KIF26B: variants seen among roughly 807,000 people sequenced by gnomAD.
KIF26B encodes kinesin-like protein KIF26B.
In KIF26B, 63 loss-of-function variants were observed where a neutral mutation model predicts 151.2. That is an observed-to-expected ratio of 0.42 (90% CI 0.34 to 0.51). KIF26B has a LOEUF of 0.51. Ranked by LOEUF, KIF26B falls within the 20% of genes least tolerant of loss-of-function variation. The pLI, the probability that KIF26B is intolerant of heterozygous loss-of-function variation, is 0.07. For synonymous variants in KIF26B, 1,357 were observed against 1,262.1 expected (o/e 1.08, Z -1.59); for missense variants, 2,813 against 2,913.6 (o/e 0.97, Z 0.79).
chr1:245,368,402 A>G (rs1182141860), intron 3 of KIF26B, among the ~76,000 whole-genome samples: 1 of 152,186 alleles, frequency 6.6e-6, no homozygotes, highest in Non-Finnish European at 1.5e-5. Flanking sequence ...GGGAAGCAGC[A>G]GAGAGCATTG....
Position 245,698,284 on chromosome 1 carries a change from G to T in KIF26B, c.6003G>T (p.Gln2001His). 1 of 1,613,584 alleles carries T rather than the reference G, an allele frequency of 6.2e-7. No individual in the cohort carries two copies. The highest frequency in any genetic ancestry group is 8.5e-7 in the Non-Finnish European group (1 of 1,179,762). ...AAATCGATGACGTGGAGCGCCTGCA[G>T]CGGCGACGAGGGGGTGCCAGCAAGG... ...VYEIDDVERLQRRRGGASKEA... is the reference protein window; with the variant it reads ...VYEIDDVERLHRRRGGASKEA... Residue 2001 changes from glutamine (Q) to histidine (H), a missense_variant, in exon 13 of 15, where the codon CAG becomes CAT. By Grantham distance (24) the Gln-to-His change is conservative. Around this residue, in one of 3 missense-constraint regions of KIF26B, gnomAD observed 2,060 missense variants for 2,088.6 expected, o/e 0.99. Coordinates refer to ENST00000407071, the MANE Select transcript of KIF26B (RefSeq NM_018012.4). This position sits in a 1 kb window ranked among gnomAD's most constrained non-coding sequence, Gnocchi z 4.0.
At chr1:245,493,223 G>A (rs1660445623) in intron 4 of KIF26B, among the ~76,000 whole-genome samples, 1 of 152,110 alleles carries the variant, frequency 6.6e-6, no homozygotes, top group Admixed American at 6.6e-5. Context: ...TACATAAAGG[G>A]TACCCTAGAG....
At chr1:245,237,101 A>G (rs1459125002) in intron 2 of KIF26B, among the ~76,000 whole-genome samples, 2 of 152,118 alleles carry the variant, frequency 1.3e-5, no homozygotes, top group Non-Finnish European at 2.9e-5. Flanking sequence ...CTGGCTGGTT[A>G]TCTCTCTTTC....
chr1:245,224,262 G>A (rs1669831522), intron 2 of KIF26B, among the ~76,000 whole-genome samples: 1 of 147,844 alleles, frequency 6.8e-6, no homozygotes, highest in African/African-American at 2.5e-5. Context: ...TCCAGCCTGG[G>A]CAACAAGAGC....
rs187652761 is a variant in KIF26B at position 245,382,631 on chromosome 1, C to T, written c.999+15264C>T. ...TTGCCCAGGCTGCAGTGCAATGGCA[C>T]AATCTCAGCTCATCACAATCTCCGC... On this transcript the variant is annotated intron_variant, in intron 3 of 14. Transcript: ENST00000407071. Among the ~76,000 whole-genome samples, 93 of 152,138 alleles carry T rather than the reference C, an allele frequency of 6.1e-4. No individual in the cohort carries two copies. The East Asian group carries it at 0.012, about 20-fold the overall frequency.
Position 245,688,825 on chromosome 1 carries a change from G to A in KIF26B, c.5824+18G>A. 6.4e-7 allele frequency: 1 copy of A among 1,550,896 alleles called. No individual in the cohort carries two copies. Among genetic ancestry groups the A allele is most frequent in the Non-Finnish European group, 8.7e-7 (1 of 1,145,764 alleles). On this transcript the variant is annotated intron_variant, in intron 12 of 14. Transcript: ENST00000407071. ...CAATCCAGGTAGGCGGCTGGGCGCA[G>A]GGACGCGGGTGAGGAGGGCGGCAGG...
At chr1:245,290,733 G>A (rs1051792414) in intron 2 of KIF26B, among the ~76,000 whole-genome samples, 3 of 152,238 alleles carry the variant, frequency 2.0e-5, no homozygotes, top group Non-Finnish European at 2.9e-5. Flanking sequence ...AGCCCAGCAG[G>A]TCACAGCCTC....
At chr1:245,458,891 G>C (rs545134759) in intron 4 of KIF26B, among the ~76,000 whole-genome samples, 2 of 152,134 alleles carry the variant, frequency 1.3e-5, no homozygotes, top group Admixed American at 6.5e-5. Context: ...AGATGTTAGC[G>C]TCCTTAGCCT....
At chr1:245,630,076 G>T (rs2043764674) in intron 9 of KIF26B, among the ~76,000 whole-genome samples, 3 of 152,120 alleles carry the variant, frequency 2.0e-5, no homozygotes, top group African/African-American at 7.2e-5. Context: ...AAAAAGTCAA[G>T]AAACAATAGA....
chr1:245,188,600 T>C (rs1669042560), intron 2 of KIF26B, among the ~76,000 whole-genome samples: 1 of 152,200 alleles, frequency 6.6e-6, no homozygotes, highest in African/African-American at 2.4e-5. Context: ...ACTGAACATG[T>C]GTGTGTTGCT....
intron 9 of KIF26B, among the ~76,000 whole-genome samples, chr1:245,635,385 T>G (rs1476265531): frequency 6.6e-6 from 1 of 152,130 alleles, no homozygotes; most frequent in African/African-American, 2.4e-5. Flanking sequence ...TTCAAGACAT[T>G]TTTCCATTCT....
chr1:245,316,748 T>C (rs1291423299), intron 2 of KIF26B, among the ~76,000 whole-genome samples: 1 of 152,188 alleles, frequency 6.6e-6, no homozygotes, highest in Non-Finnish European at 1.5e-5. Flanking sequence ...CTATACTGAT[T>C]TGGTACAATT....
In KIF26B at chr1:245,602,328, A is replaced by G. The variant is rs2043405016; in HGVS notation, c.1351-249A>G. Among the ~76,000 whole-genome samples, 1 of 152,240 alleles carries G rather than the reference A, an allele frequency of 6.6e-6. No homozygotes were observed. The highest frequency in any genetic ancestry group is 2.1e-4 in the South Asian group (1 of 4,836). ...ATTTATATTAATAGGAAGACAAAGA[A>G]CATGATGTGCCAGCTCCATATTGAA... On this transcript the variant is annotated intron_variant, in intron 5 of 14. Transcript: ENST00000407071. The surrounding 1 kb of genome is among the most constrained non-coding windows in gnomAD (Gnocchi z 4.5).
intron 10 of KIF26B, among the ~76,000 whole-genome samples, chr1:245,651,913 G>A (rs751349406): frequency 1.6e-4 from 25 of 152,100 alleles, no homozygotes; most frequent in Non-Finnish European, 3.1e-4. Context: ...AAAGGGTTTG[G>A]GACTGCGGAG....
At chr1:245,275,653 T>C (rs1334138299) in intron 2 of KIF26B, among the ~76,000 whole-genome samples, 1 of 152,214 alleles carries the variant, frequency 6.6e-6, no homozygotes, top group Non-Finnish European at 1.5e-5. Flanking sequence ...CTTTTGTCTT[T>C]TAATCTGTAT....
intron 3 of KIF26B, among the ~76,000 whole-genome samples, chr1:245,418,032 A>G (rs941721257): frequency 2.0e-5 from 3 of 152,254 alleles, no homozygotes; most frequent in Non-Finnish European, 4.4e-5. Flanking sequence ...GTCTTTGGAC[A>G]TGGTCCGGGA....
rs570810933 is a variant in KIF26B at position 245,520,460 on chromosome 1, C to T, written c.1167-20307C>T. Among the ~76,000 whole-genome samples, 11 of 152,294 alleles carry T rather than the reference C, an allele frequency of 7.2e-5. No individual in the cohort carries two copies. The South Asian group carries it at 1.7e-3, about 23-fold the overall frequency. ...GAAACCCATACCAAGAAATATTTTACGTGTTGTCATCATTAAGAAGTCAGC... is the reference window on the plus strand; with the variant it reads ...GAAACCCATACCAAGAAATATTTTATGTGTTGTCATCATTAAGAAGTCAGC... On this transcript the variant is annotated intron_variant, in intron 4 of 14. Transcript: ENST00000407071.
In KIF26B at chr1:245,460,533, T is replaced by A. The variant is rs72762817; in HGVS notation, c.1166+40788T>A. On this transcript the variant is annotated intron_variant, in intron 4 of 14. Transcript: ENST00000407071. ...ATATAGTTTAAAATATTTACCACCCTAGCCTTTGCAGAAAGTTCGCCCACC... is the reference window on the plus strand; with the variant it reads ...ATATAGTTTAAAATATTTACCACCCAAGCCTTTGCAGAAAGTTCGCCCACC... Among the ~76,000 whole-genome samples, 463 of 152,308 alleles carry A rather than the reference T, an allele frequency of 3.0e-3. 2 individuals are homozygous for A. The highest frequency in any genetic ancestry group is 5.6e-3 in the Non-Finnish European group (384 of 68,030).
rs1386084320 is a variant in KIF26B at position 245,560,298 on chromosome 1, G to A, written c.1350+19348G>A. Among the ~76,000 whole-genome samples the A allele has an allele frequency of 2.6e-5, 4 of 152,162 alleles. No individual in the cohort carries two copies. Among genetic ancestry groups the A allele is most frequent in the Non-Finnish European group, 5.9e-5 (4 of 68,022 alleles). ...TGGAAGGAGACCCAGATACCCTCCA[G>A]ACATAGGTCCGGCCTCTCAGGAGTT... On this transcript the variant is annotated intron_variant, in intron 5 of 14. Coordinates refer to ENST00000407071, the MANE Select transcript of KIF26B (RefSeq NM_018012.4). This position sits in a 1 kb window ranked among gnomAD's most constrained non-coding sequence, Gnocchi z 4.3.
Sources: allele counts gnomAD v4.1 joint callset (sites outside exome capture counted in the v4.1 genomes callset), GRCh38; gene constraint gnomAD v4.1.1; regional missense constraint gnomAD v4.1.1; non-coding constraint Gnocchi (gnomAD v3.1); transcripts MANE v1.5; gene names NCBI Gene and HGNC (gene_info 2026-07-23, HGNC 2026-07-21).